The following CSRNP2 variants were observed in gnomAD, a reference collection of about 807,000 sequenced individuals.
The protein encoded by CSRNP2 is cysteine and serine rich nuclear protein 2, also known as cysteine/serine-rich nuclear protein 2.
CSRNP2 carries 11 observed loss-of-function variants against 36.6 expected under a neutral mutation model. That is an observed-to-expected ratio of 0.30 (90% CI 0.19 to 0.50). The LOEUF (loss-of-function observed/expected upper bound fraction) is 0.50. Among genes scored for constraint, CSRNP2 ranks in the 20% least tolerant of loss-of-function variants. CSRNP2 has a pLI of 0.98. For missense variants in CSRNP2, 483 were observed against 691.4 expected, an observed-to-expected ratio of 0.70 and a Z score of 3.38; for synonymous variants, 248 against 275.3, an observed-to-expected ratio of 0.90 and a Z score of 0.98.
intron 1 of CSRNP2, among the ~76,000 whole-genome samples, chr12:51,080,694 A>G (rs935225318): frequency 6.6e-6 from 1 of 152,042 alleles, no homozygotes; most frequent in African/African-American, 2.4e-5. Context: ...TCTTCACCCT[A>G]CCCAGGCTCT....
At chr12:51,076,837 A>G (rs577226398) in intron 1 of CSRNP2, 190 bp from the exon 2 acceptor site, 4 of 376,608 alleles carry the variant, frequency 1.1e-5, no homozygotes, top group East Asian at 9.9e-5. Flanking sequence ...TCTATTCTCA[A>G]TCACTCTTAG....
intron 1 of CSRNP2, among the ~76,000 whole-genome samples, chr12:51,077,525 C>T (rs77821897): frequency 0.026 from 3,917 of 152,222 alleles, 170 homozygotes; most frequent in African/African-American, 0.089. Flanking sequence ...TTGGGAAATA[C>T]TGCTCCAGGC....
Position 51,062,480 on chromosome 12 carries a change from G to GT in CSRNP2, c.*1265dup, listed in dbSNP as rs1592733274. ...AGGAACTGTATTCCTCCTGACAGAG[G>GT]TAAGAACTGAATCAAACTGAATGAG... is the stretch of plus-strand genomic sequence containing the variant. On this transcript the variant is annotated 3_prime_UTR_variant, in exon 5 of 5. Transcript: ENST00000228515. 6.6e-6 allele frequency: 1 copy of GT among 152,216 alleles called. No homozygotes were observed. The highest frequency in any genetic ancestry group is 1.5e-5 in the Non-Finnish European group (1 of 68,040). 9.4% of individuals were successfully genotyped at this position (152,216 alleles called of 1,614,324 possible).
In CSRNP2 at chr12:51,062,162, C is replaced by G. The variant is rs910746346; in HGVS notation, c.*1584G>C. ...GTTTAGAGACTTCAGGGGTGAAATG[C>G]TGCTGCGACATACGTGATGGTTTCT... On this transcript the variant is annotated 3_prime_UTR_variant, in exon 5 of 5. Transcript: ENST00000228515. 5 of 152,134 alleles carry G rather than the reference C, an allele frequency of 3.3e-5. No homozygotes were observed. The highest frequency in any genetic ancestry group is 1.2e-4 in the African/African-American group (5 of 41,430). 9.4% of individuals were successfully genotyped at this position (152,134 alleles called of 1,614,324 possible).
rs765804181 is a variant in CSRNP2, at chr12:51,063,842, C to T, written c.1536G>A (p.Thr512=). 18 of 1,613,730 alleles carry T rather than the reference C, an allele frequency of 1.1e-5. No homozygotes were observed. The highest frequency in any genetic ancestry group is 3.3e-5 in the South Asian group (3 of 91,056). Residue 512 remains threonine, a synonymous_variant, in exon 5 of 5, where the codon ACG becomes ACA. Transcript: ENST00000228515. ...SWSPSSLPFR[T]DNEEGCGMVK... is the part of the protein sequence containing the mutation. ...CCATCCCACAGCCCTCTTCATTGTC[C>T]GTGCGGAAGGGGAGGCTTGAGGGGG... is the stretch of plus-strand genomic sequence containing the variant.
intron 3 of CSRNP2, among the ~76,000 whole-genome samples, chr12:51,069,428 A>C (rs1938829923): frequency 6.7e-6 from 1 of 149,378 alleles, no homozygotes; most frequent in Non-Finnish European, 1.5e-5. Flanking sequence ...CTGGAATTAC[A>C]GGCTCCTGCC....
chr12:51,075,105 T>C (rs1939341551), intron 2 of CSRNP2, among the ~76,000 whole-genome samples: 1 of 151,784 alleles, frequency 6.6e-6, no homozygotes, highest in Non-Finnish European at 1.5e-5. Flanking sequence ...ATACTAACCA[T>C]ATTTCTTTAT....
rs1009464308 is a variant in CSRNP2 at position 51,083,375 on chromosome 12, C to G, written c.-123G>C. The stretch of plus-strand genomic sequence containing the variant: ...CAGCTGCCTCCTCCCGTGATGGTCT[C>G]TGCCGCCCCCGCTGCCGCCGCCGCC... On this transcript the variant is annotated 5_prime_UTR_variant, in exon 1 of 5. Coordinates refer to ENST00000228515, the MANE Select transcript of CSRNP2 (RefSeq NM_030809.3). 4 of 154,348 alleles carry G rather than the reference C, an allele frequency of 2.6e-5. No individual in the cohort carries two copies. Among genetic ancestry groups the G allele is most frequent in the Non-Finnish European group, 5.8e-5 (4 of 69,122 alleles). The allele number at this position is 154,348 out of a possible 1,614,324, so 9.6% of individuals were successfully genotyped here.
At chr12:51,073,703 G>C (rs1939279904) in intron 3 of CSRNP2, 120 bp downstream of exon 3, 1 of 1,113,228 alleles carries the variant, frequency 9.0e-7, no homozygotes, top group Non-Finnish European at 1.3e-6. Context: ...TCCAGCCCGG[G>C]CGACAGAGCA....
intron 2 of CSRNP2, among the ~76,000 whole-genome samples, chr12:51,074,740 CAA>C (rs1431577242): frequency 6.6e-6 from 1 of 152,114 alleles, no homozygotes; most frequent in African/African-American, 2.4e-5. Flanking sequence ...CCATGTGTGG[CAA>C]TTTAAGCTAA....
Position 51,073,898 on chromosome 12 carries a change from C to T in CSRNP2, c.336G>A (p.Gln112=). Residue 112 remains glutamine, a synonymous_variant, in exon 3 of 5, where the codon CAG becomes CAA. Coordinates refer to ENST00000228515, the MANE Select transcript of CSRNP2 (RefSeq NM_030809.3). ...TCTCTCGATGGTTCACCTCCTGTTC[C>T]TGGGCAAACTCACAGAGTGTATAGC... is the stretch of plus-strand genomic sequence containing the variant. ...VRSYTLCEFA[Q]EQEVNHREIL... 6.2e-7 allele frequency: 1 copy of T among 1,614,120 alleles called. No individual in the cohort carries two copies. Among genetic ancestry groups the T allele is most frequent in the African/African-American group, 1.3e-5 (1 of 75,042 alleles).
chr12:51,064,173 G>C lies in CSRNP2; in HGVS notation c.1205C>G (p.Thr402Ser). 1 of 1,614,222 alleles carries C rather than the reference G, an allele frequency of 6.2e-7. No homozygotes were observed. The highest frequency in any genetic ancestry group is 2.2e-5 in the East Asian group (1 of 44,876). The change falls in exon 5 of 5, where the codon ACT (threonine) becomes AGT (serine). Residue 402 changes from threonine to serine, a missense_variant. Thr to Ser is a moderately conservative substitution (Grantham distance 58). Coordinates refer to ENST00000228515, the MANE Select transcript of CSRNP2 (RefSeq NM_030809.3). ...GGATGGGCTGTTCACCGTTGAGGCA[G>C]TTGGGTGGTCTGAGTTCTCGGTAAA... Reference protein sequence around the residue: ...LCFTENSDHPTASTVNSPSYL... With the variant: ...LCFTENSDHPSASTVNSPSYL...
At chr12:51,080,972 T>C (rs1412773589) in intron 1 of CSRNP2, among the ~76,000 whole-genome samples, 1 of 152,102 alleles carries the variant, frequency 6.6e-6, no homozygotes, top group Admixed American at 6.5e-5. Context: ...TTGGCCAACA[T>C]AGCAAGACCC....
At chr12:51,079,358 TA>T (rs879833809) in intron 1 of CSRNP2, among the ~76,000 whole-genome samples, 2,132 of 141,994 alleles carry the variant, frequency 0.015, 25 homozygotes, top group African/African-American at 0.037. Context: ...CTTAAAGTAT[TA>T]AAAAAAAAAA....
rs34413582 is a variant in CSRNP2 at position 51,063,914 on chromosome 12, A to G, written c.1464T>C (p.Asp488=). ...CATTTTCAGGCTCCTCAGGGTTACAATCTTCGGGCAATAGAGCTTCTAGGG... is the reference window on the plus strand; with the variant it reads ...CATTTTCAGGCTCCTCAGGGTTACAGTCTTCGGGCAATAGAGCTTCTAGGG... ...TPTLEALLPE[D]CNPEEPENED... The change falls in exon 5 of 5, where the codon GAT becomes GAC. Residue 488 remains aspartate (D), a synonymous_variant. Transcript: ENST00000228515. 0.024 allele frequency: 38,452 copies of G among 1,613,988 alleles called. 753 individuals are homozygous for G. The highest frequency in any genetic ancestry group is 0.083 in the South Asian group (7,567 of 91,068).
intron 3 of CSRNP2, among the ~76,000 whole-genome samples, chr12:51,073,534 C>A (rs560513422): frequency 3.0e-4 from 45 of 151,846 alleles, no homozygotes; most frequent in African/African-American, 1.1e-3. Context: ...GAGTTCGAGA[C>A]CAGCCTGGGC....
At chr12:51,069,133 G>A (rs1415515947) in intron 3 of CSRNP2, among the ~76,000 whole-genome samples, 2 of 151,974 alleles carry the variant, frequency 1.3e-5, no homozygotes, top group African/African-American at 2.4e-5. Context: ...CTGCCACCAC[G>A]CCCGGCTAAC....
intron 1 of CSRNP2, among the ~76,000 whole-genome samples, chr12:51,079,334 C>G (rs1420596736): frequency 4.0e-5 from 6 of 150,234 alleles, no homozygotes; most frequent in Admixed American, 1.3e-4. Flanking sequence ...ATGTTGTGCA[C>G]ATATACCCTA....
At chr12:51,068,761 C>T (rs1022493001) in intron 3 of CSRNP2, among the ~76,000 whole-genome samples, 3 of 152,146 alleles carry the variant, frequency 2.0e-5, no homozygotes, top group East Asian at 3.9e-4. Flanking sequence ...CTTGCACCCA[C>T]TGAATGCAAA....
Sources: gnomAD v4.1 joint callset for allele counts (sites outside exome capture counted in the v4.1 genomes callset) on GRCh38, gnomAD v4.1.1 for gene constraint, MANE v1.5 for transcripts, NCBI Gene and HGNC (gene_info 2026-07-23, HGNC 2026-07-21) for gene names.